Variants in TNKS2 observed in about 807,000 individuals in gnomAD.
TNKS2 encodes the protein tankyrase 2.
TNKS2 carries 72 observed loss-of-function variants against 137.6 expected under a neutral mutation model. The ratio of observed to expected loss-of-function variants is 0.52; its 90% CI spans 0.43 to 0.64. The LOEUF (loss-of-function observed/expected upper bound fraction) is 0.64, where lower values mean the gene tolerates loss of function less well. Among genes scored for constraint, TNKS2 ranks in the 30% least tolerant of loss-of-function variants. The probability of loss-of-function intolerance (pLI) is 0.00; values close to 1 mark genes in which losing one functional copy is unlikely to be tolerated. For synonymous variants in TNKS2, 516 were observed against 512.1 expected, an observed-to-expected ratio of 1.01 and a Z score of -0.10; for missense variants, 1,049 against 1,410.2, an observed-to-expected ratio of 0.74 and a Z score of 4.10.
At chr10:91,812,563 G>A (rs897892570) in intron 1 of TNKS2, among the ~76,000 whole-genome samples, 5 of 152,172 alleles carry the variant, frequency 3.3e-5, no homozygotes, top group Non-Finnish European at 5.9e-5. Context: ...ATGTGGGAAA[G>A]GAATTCTAGC....
chr10:91,855,629 C>T lies in TNKS2; in HGVS notation c.2929C>T (p.Arg977Ter). ...SVEEEMQSTVREHRDGGHAGG... is the reference protein window; with the variant it reads ...SVEEEMQSTV ...TTTCTGACAGATGCAAAGTACAGTT[C>T]GAGAGCACAGAGATGGAGGTCATGC... Residue 977 changes from arginine to a stop codon, truncating the protein, a stop_gained, in exon 23 of 27, where the codon CGA becomes TGA. Coordinates refer to ENST00000371627, the MANE Select transcript of TNKS2 (RefSeq NM_025235.4). LOFTEE classifies it high-confidence loss of function. 1 of 1,611,382 alleles carries T rather than the reference C, an allele frequency of 6.2e-7. No homozygotes were observed. Among genetic ancestry groups the T allele is most frequent in the South Asian group, 1.1e-5 (1 of 90,764 alleles).
At chr10:91,807,149 G>A (rs1176467371) in intron 1 of TNKS2, 1 of 1,549,732 alleles carries the variant, frequency 6.5e-7, no homozygotes, top group African/African-American at 1.4e-5. Context: ...TACTTCCTAA[G>A]TACACGACAA....
At position 91,842,339 on chromosome 10, in the gene TNKS2, T is replaced by C. The variant is rs551148046; in HGVS notation, c.2007T>C (p.Asn669=). 11 of 1,614,072 alleles carry C rather than the reference T, an allele frequency of 6.8e-6. No homozygotes were observed. The highest frequency in any genetic ancestry group is 3.3e-4 in the Middle Eastern group (2 of 6,084). Residue 669 remains asparagine, a synonymous_variant, in exon 16 of 27, where the codon AAT becomes AAC. Coordinates refer to ENST00000371627, the MANE Select transcript of TNKS2 (RefSeq NM_025235.4). ...ARVKKLSSPD[N]VNCRDTQGRH... ...TGAAGAAGTTGTCTTCTCCTGATAA[T>C]GTAAATTGCCGCGATACCCAAGGCA... is the stretch of plus-strand genomic sequence containing the variant.
chr10:91,817,346 A>T (rs1539040), intron 3 of TNKS2, 117 bp downstream of exon 3: 201,963 of 578,402 alleles, frequency 0.35, 37,334 homozygotes, highest in East Asian at 0.5. Context: ...GTGTCAGTTC[A>T]GTAGCTATCC....
Position 91,827,021 on chromosome 10 carries a change from G to A in TNKS2, c.800G>A (p.Gly267Asp). 1 of 1,565,138 alleles carries A rather than the reference G, an allele frequency of 6.4e-7. No individual in the cohort carries two copies. Among genetic ancestry groups the A allele is most frequent in the Non-Finnish European group, 8.7e-7 (1 of 1,155,670 alleles). ...TATATGCTTTTTGCTCTCCAGCATG[G>A]TGCCTGTGTAAATGCAATGGACTTG... ...YEVTELLVKH[G>D]ACVNAMDLWQ... The change falls in exon 8 of 27, where the codon GGT becomes GAT. Residue 267 changes from glycine (G) to aspartate (D), a missense_variant. By Grantham distance (94) the Gly-to-Asp change is moderately conservative. Coordinates refer to ENST00000371627, the MANE Select transcript of TNKS2 (RefSeq NM_025235.4).
chr10:91,808,922 A>G (rs1046921211), intron 1 of TNKS2, among the ~76,000 whole-genome samples: 2 of 152,144 alleles, frequency 1.3e-5, no homozygotes, highest in African/African-American at 2.4e-5. Context: ...ACCTATTTTC[A>G]TCTGCAGCCT....
chr10:91,825,171 G>A (rs1364340154), intron 7 of TNKS2, among the ~76,000 whole-genome samples: 1 of 151,842 alleles, frequency 6.6e-6, no homozygotes, highest in African/African-American at 2.4e-5. Context: ...GCACAATCAT[G>A]GCTCATTGCA....
At chr10:91,849,996 T>C (rs542349351) in intron 20 of TNKS2, among the ~76,000 whole-genome samples, 69 of 152,278 alleles carry the variant, frequency 4.5e-4, no homozygotes, top group Middle Eastern at 6.8e-3. Flanking sequence ...ATTTACTGAT[T>C]TTTGTTGTTG....
intron 20 of TNKS2, among the ~76,000 whole-genome samples, chr10:91,850,088 G>T (rs1021012932): frequency 6.6e-6 from 1 of 152,138 alleles, no homozygotes. Context: ...ACATATGGCC[G>T]GGTGCAGTGG....
chr10:91,820,551 A>G (rs904448797), intron 6 of TNKS2, among the ~76,000 whole-genome samples: 2 of 152,246 alleles, frequency 1.3e-5, no homozygotes, highest in Non-Finnish European at 2.9e-5. Flanking sequence ...CACAGGAGAC[A>G]AATGAAGTTT....
In TNKS2 at chr10:91,856,570, T is replaced by G. The variant is rs1842711940; in HGVS notation, c.2989-855T>G. 2.0e-5 allele frequency among the ~76,000 whole-genome samples: 3 copies of G among 152,170 alleles called. No individual in the cohort carries two copies. In the South Asian group the frequency reaches 6.2e-4, roughly 31 times the overall value. ...TTAGGAGTGAGAGCAGGAGAGAGGT[T>G]GTGTGTTTGATTTCTAAAGTAGTTG... is the stretch of plus-strand genomic sequence containing the variant. On this transcript the variant is annotated intron_variant, in intron 23 of 26. Coordinates refer to ENST00000371627, the MANE Select transcript of TNKS2 (RefSeq NM_025235.4).
At chr10:91,829,449 C>T (rs553867925) in intron 9 of TNKS2, among the ~76,000 whole-genome samples, 1 of 152,228 alleles carries the variant, frequency 6.6e-6, no homozygotes, top group South Asian at 2.1e-4. Context: ...TTAAAACACA[C>T]TAGGAGTTGT....
intron 23 of TNKS2, among the ~76,000 whole-genome samples, chr10:91,856,807 A>C (rs528162141): frequency 4.6e-5 from 7 of 152,320 alleles, no homozygotes; most frequent in South Asian, 4.1e-4. Flanking sequence ...ATCAGCTTCC[A>C]GGTGTGCTCT....
intron 18 of TNKS2, among the ~76,000 whole-genome samples, chr10:91,847,955 G>A (rs1842428389): frequency 6.6e-6 from 1 of 152,124 alleles, no homozygotes; most frequent in Non-Finnish European, 1.5e-5. Context: ...TATGTGTTTT[G>A]GAAGAGATGT....
chr10:91,838,852 AT>A (rs1342440703), intron 13 of TNKS2, among the ~76,000 whole-genome samples: 1 of 152,058 alleles, frequency 6.6e-6, no homozygotes, highest in African/African-American at 2.4e-5. Context: ...TTTTACTAAT[AT>A]GGATATATTC....
chr10:91,819,146 T>G (rs1266512213), intron 3 of TNKS2, 124 bp from the exon 4 acceptor site: 1 of 593,796 alleles, frequency 1.7e-6, no homozygotes, highest in Non-Finnish European at 2.8e-6. Flanking sequence ...AATGAACTAT[T>G]TTCCATTTAT....
chr10:91,855,093 T>G lies in TNKS2; in HGVS notation c.2880T>G (p.Pro960=). Reference sequence around the variant, plus strand: ...GAACAATTCTTATAGATCTGTCTCCTGATGATAAAGAGTTTCAGTCTGTGG... The same window carrying G: ...GAACAATTCTTATAGATCTGTCTCCGGATGATAAAGAGTTTCAGTCTGTGG... ...GSGTILIDLS[P]DDKEFQSVEE... Residue 960 remains proline (P), a synonymous_variant, in exon 22 of 27, where the codon CCT becomes CCG. Coordinates refer to ENST00000371627, the MANE Select transcript of TNKS2 (RefSeq NM_025235.4). 2 of 1,611,864 alleles carry G rather than the reference T, an allele frequency of 1.2e-6. No homozygotes were observed. The highest frequency in any genetic ancestry group is 1.7e-6 in the Non-Finnish European group (2 of 1,178,238).
intron 12 of TNKS2, among the ~76,000 whole-genome samples, chr10:91,835,830 A>G (rs768062692): frequency 4.1e-5 from 6 of 148,048 alleles, no homozygotes; most frequent in Non-Finnish European, 7.4e-5. Flanking sequence ...CTGGTCTCCA[A>G]CTCCTGACCT....
rs565875626 is a variant in TNKS2 at position 91,856,165 on chromosome 10, T to C, written c.2988+477T>C. Reference sequence around the variant, plus strand: ...TTTCCAGAAAAATATATTTTAAAAATGTTTTGAGTCATTTAGTGACTGCTG... The same window carrying C: ...TTTCCAGAAAAATATATTTTAAAAACGTTTTGAGTCATTTAGTGACTGCTG... On this transcript the variant is annotated intron_variant, in intron 23 of 26. Transcript: ENST00000371627. 3.9e-5 allele frequency among the ~76,000 whole-genome samples: 6 copies of C among 152,336 alleles called. No homozygotes were observed. In the South Asian group the frequency reaches 1.2e-3, roughly 32 times the overall value.
Sources: allele counts gnomAD v4.1 joint callset (sites outside exome capture counted in the v4.1 genomes callset), GRCh38; gene constraint gnomAD v4.1.1; transcripts MANE v1.5; gene names NCBI Gene and HGNC (gene_info 2026-07-23, HGNC 2026-07-21).